Variants in COL16A1 observed in about 807,000 individuals in gnomAD.
COL16A1 encodes the protein collagen type XVI alpha 1 chain.
COL16A1 carries 189 observed loss-of-function variants against 266.3 expected under a neutral mutation model. That is an observed-to-expected ratio of 0.71 (90% confidence interval 0.63 to 0.80). The LOEUF (loss-of-function observed/expected upper bound fraction) is 0.80, where lower values mean the gene tolerates loss of function less well. Ranked by LOEUF, COL16A1 falls within the 30% of genes least tolerant of loss-of-function variation. The pLI is 0.00. For synonymous variants in COL16A1, 740 were observed against 782.3 expected, an observed-to-expected ratio of 0.95 and a Z score of 0.90; for missense variants, 1,928 against 2,122.4, an observed-to-expected ratio of 0.91 and a Z score of 1.80.
intron 12 of COL16A1, 69 bp from the exon 13 acceptor site, chr1:31,693,223 C>G (rs760863722): frequency 1.0e-6 from 1 of 990,960 alleles, no homozygotes; most frequent in Admixed American, 1.8e-5. Flanking sequence ...AAGCTCTCCC[C>G]ACTTCTGGCC....
chr1:31,663,690 A>G lies in COL16A1; in HGVS notation c.3556-1032T>C, dbSNP rs922399869. Among the ~76,000 whole-genome samples, 1 of 152,112 alleles carries G rather than the reference A, an allele frequency of 6.6e-6. No homozygotes were observed. Among genetic ancestry groups the G allele is most frequent in the African/African-American group, 2.4e-5 (1 of 41,396 alleles). On this transcript the variant is annotated intron_variant, in intron 56 of 70. Transcript: ENST00000373672. This position sits in a 1 kb window ranked among gnomAD's most constrained non-coding sequence, Gnocchi z 4.9. ...ATCTCCGCTTGTATTTGTTTTATAG[A>G]TTGAGGTTTTTACATTTGCTTTTAT...
intron 16 of COL16A1, 147 bp downstream of exon 16, chr1:31,692,327 G>A (rs1272688848): frequency 3.7e-6 from 5 of 1,359,120 alleles, no homozygotes; most frequent in African/African-American, 1.5e-5. Flanking sequence ...CAGGGTGACT[G>A]GGGTGGGGGA....
chr1:31,665,957 G>A (rs1474381940), intron 53 of COL16A1, 22 bp from the exon 54 acceptor site: 1 of 1,613,904 alleles, frequency 6.2e-7, no homozygotes, highest in East Asian at 2.2e-5. Context: ...AGAGAACAAT[G>A]CAGCCGAAAC....
rs924152530 is a variant in COL16A1 at position 31,653,651 on chromosome 1, T to C, written c.4560A>G (p.Lys1520=). Residue 1520 remains lysine (K), a synonymous_variant, in exon 70 of 71, where the codon AAA becomes AAG. Coordinates refer to ENST00000373672, the MANE Select transcript of COL16A1 (RefSeq NM_001856.4). The part of the protein sequence containing the change: ...VRGLPGTKGE[K]GDIGIGIAGE... ...CTGCAATGCCAATACCAATGTCCCCTTTTTCACCTTTGGTACCAGGCAATC... is the reference window on the plus strand; with the variant it reads ...CTGCAATGCCAATACCAATGTCCCCCTTTTCACCTTTGGTACCAGGCAATC... 5 of 1,613,332 alleles carry C rather than the reference T, an allele frequency of 3.1e-6. No homozygotes were observed. The highest frequency in any genetic ancestry group is 4.2e-6 in the Non-Finnish European group (5 of 1,179,566).
In COL16A1 at chr1:31,665,152, C is replaced by CA. The variant is rs1553160232; in HGVS notation, c.3555+19dup. ...GCATGGCTCAGATCTGTGACTTTGC[C>CA]AACCCAGGGTCCTGCTCACCTTCTC... On this transcript the variant is annotated intron_variant, in intron 56 of 70. Transcript: ENST00000373672. 2 of 1,603,116 alleles carry CA rather than the reference C, an allele frequency of 1.2e-6. No homozygotes were observed. The highest frequency in any genetic ancestry group is 1.7e-6 in the Non-Finnish European group (2 of 1,177,004).
At chr1:31,679,446 G>C in intron 42 of COL16A1, 186 bp downstream of exon 42, 1 of 1,598,528 alleles carries the variant, frequency 6.3e-7, no homozygotes, top group African/African-American at 1.3e-5. Flanking sequence ...TGGGAGTGCA[G>C]AGCCTGGCCT....
In COL16A1 at chr1:31,688,794, C is replaced by T; in HGVS notation, c.1767+67G>A. The T allele has an allele frequency of 6.7e-7, 1 of 1,493,190 alleles. No individual in the cohort carries two copies. The highest frequency in any genetic ancestry group is 9.2e-7 in the Non-Finnish European group (1 of 1,090,832). 92.5% of individuals were successfully genotyped at this position (1,493,190 alleles called of 1,614,324 possible). On this transcript the variant is annotated intron_variant, in intron 25 of 70. Coordinates refer to ENST00000373672, the MANE Select transcript of COL16A1 (RefSeq NM_001856.4). This position sits in a 1 kb window ranked among gnomAD's most constrained non-coding sequence, Gnocchi z 4.9. ...GCCCTGAGACTTGGGATCTGAAAAG[C>T]CAGGGAGATCAACAGTATGGCAAGG... is the stretch of plus-strand genomic sequence containing the variant.
In COL16A1 at chr1:31,672,612, C is replaced by T. The variant is rs1419251288; in HGVS notation, c.3002G>A (p.Arg1001Lys). 1 of 1,605,872 alleles carries T rather than the reference C, an allele frequency of 6.2e-7. No individual in the cohort carries two copies. The highest frequency in any genetic ancestry group is 1.3e-5 in the African/African-American group (1 of 74,870). Residue 1001 changes from arginine to lysine, a missense_variant, in exon 46 of 71, where the codon AGA becomes AAA. Physicochemically the swap from Arg to Lys is conservative, Grantham distance 26. Transcript: ENST00000373672. The part of the protein sequence containing the change: ...AQCFLSLERP[R>K]AEEARGDNSE... ...GGCACTCACCCGGGCCTCCTCGGCT[C>T]TTGGGCGCTCCAGTGACAAAAAGCA...
At chr1:31,654,142 A>G in intron 68 of COL16A1, 99 bp from the exon 69 acceptor site, 1 of 1,493,420 alleles carries the variant, frequency 6.7e-7, no homozygotes. Context: ...TGAAGTCCAC[A>G]GCAGCCTTCC....
chr1:31,685,665 G>A lies in COL16A1; in HGVS notation c.1990C>T (p.Pro664Ser). ...PSGEKGEPGPPGFGLPGKQGK... is the reference protein window; with the variant it reads ...PSGEKGEPGPSGFGLPGKQGK... ...TGTTTTCCTGGCAAGCCAAAGCCTG[G>A]AGGCCCAGGTTCCCCCTTCTCTCCG... Residue 664 changes from proline (P) to serine (S), a missense_variant, in exon 29 of 71, where the codon CCA (proline) becomes TCA (serine). Pro to Ser is a moderately conservative substitution (Grantham distance 74, BLOSUM62 -1). This residue lies in a region of COL16A1 where 1,552 missense variants were observed against 1,637.2 expected (regional missense o/e 0.95). Transcript: ENST00000373672. The surrounding 1 kb of genome is among the most constrained non-coding windows in gnomAD (Gnocchi z 4.0). 1.2e-6 allele frequency: 2 copies of A among 1,613,990 alleles called. No homozygotes were observed. The highest frequency in any genetic ancestry group is 2.7e-5 in the African/African-American group (2 of 75,038).
intron 12 of COL16A1, among the ~76,000 whole-genome samples, chr1:31,693,620 G>A (rs574425606): frequency 2.1e-4 from 32 of 152,062 alleles, no homozygotes; most frequent in Non-Finnish European, 4.1e-4. Context: ...CGGTATTGAC[G>A]AGCACACACA....
chr1:31,689,040 G>C lies in COL16A1; in HGVS notation c.1656+10C>G, dbSNP rs540371774. ...AGAGGAGGGCAGCCAGGAGAGCAGG[G>C]TTCCCTCACCTTCTCTCCTTTGATG... On this transcript the variant is annotated intron_variant, in intron 24 of 70. Transcript: ENST00000373672. 5.0e-6 allele frequency: 8 copies of C among 1,613,924 alleles called. 1 individual carries two copies. Among genetic ancestry groups the C allele is most frequent in the African/African-American group, 2.7e-5 (2 of 75,028 alleles).
chr1:31,666,642 C>G (rs185400601), intron 52 of COL16A1, among the ~76,000 whole-genome samples: 2 of 152,182 alleles, frequency 1.3e-5, no homozygotes, highest in African/African-American at 4.8e-5. Context: ...GCCAAATCAT[C>G]TGATGGCTGG....
At chr1:31,681,574 T>C (rs1643643622) in intron 37 of COL16A1, among the ~76,000 whole-genome samples, 2 of 152,356 alleles carry the variant, frequency 1.3e-5, no homozygotes, top group South Asian at 4.1e-4. Context: ...TTGCCTAGGG[T>C]CACGCCCCTA....
At chr1:31,693,576 G>A (rs554363386) in intron 12 of COL16A1, among the ~76,000 whole-genome samples, 3 of 152,120 alleles carry the variant, frequency 2.0e-5, no homozygotes, top group Admixed American at 1.3e-4. Flanking sequence ...AGGTCATGTC[G>A]CCTTTCTGAG....
At position 31,689,131 on chromosome 1, in the gene COL16A1, C is replaced by T. The variant is rs750617567; in HGVS notation, c.1621-46G>A. ...TGGGCTGAGGCAGGGCACGATGGGG[C>T]ACCCCCAAACTCCCTGGCAATATGC... On this transcript the variant is annotated intron_variant, in intron 23 of 70. Transcript: ENST00000373672. 3.7e-6 allele frequency: 6 copies of T among 1,612,198 alleles called. No homozygotes were observed. In the South Asian group the frequency reaches 6.6e-5, roughly 18 times the overall value.
rs554937078 is a variant in COL16A1, at chr1:31,665,917, C to T, written c.3421G>A (p.Gly1141Arg). 2 of 1,614,160 alleles carry T rather than the reference C, an allele frequency of 1.2e-6. No homozygotes were observed. The highest frequency in any genetic ancestry group is 1.3e-5 in the African/African-American group (1 of 75,026). Residue 1141 changes from glycine (G) to arginine (R), a missense_variant, in exon 54 of 71, where the codon GGA becomes AGA. Around this residue, in one of 2 missense-constraint regions of COL16A1, gnomAD observed 1,552 missense variants for 1,637.2 expected, o/e 0.95. Transcript: ENST00000373672. ...PGPAGPRGER[G>R]PQGNSGEKGD... is the part of the protein sequence containing the mutation. ...TTCTCACCGGAGTTACCTTGGGGTC[C>T]TCGCTCTCCTCTGGGACCCTGTCAC...
chr1:31,685,077 C>A lies in COL16A1; in HGVS notation c.2017-221G>T, dbSNP rs191009939. On this transcript the variant is annotated intron_variant, in intron 29 of 70. Transcript: ENST00000373672. This position sits in a 1 kb window ranked among gnomAD's most constrained non-coding sequence, Gnocchi z 4.0. ...CTCATCTATCTCCGTACCTCAGTTT[C>A]TTCAGCTGTCAAATGGGGATGATAA... 6.6e-5 allele frequency among the ~76,000 whole-genome samples: 10 copies of A among 152,338 alleles called. No individual in the cohort carries two copies. Among genetic ancestry groups the A allele is most frequent in the African/African-American group, 2.4e-4 (10 of 41,578 alleles).
chr1:31,673,023 C>G, intron 44 of COL16A1, 183 bp from the exon 45 acceptor site: 1 of 682,410 alleles, frequency 1.5e-6, no homozygotes, highest in Non-Finnish European at 2.7e-6. Context: ...GGGGGACCCA[C>G]TCCCAACAAT....
Sources: gnomAD v4.1 joint callset for allele counts (sites outside exome capture counted in the v4.1 genomes callset) on GRCh38, gnomAD v4.1.1 for gene constraint, gnomAD v4.1.1 regional missense constraint, Gnocchi (gnomAD v3.1) non-coding constraint, MANE v1.5 for transcripts, NCBI Gene and HGNC (gene_info 2026-07-23, HGNC 2026-07-21) for gene names.